CA10: variants seen among roughly 807,000 people sequenced by gnomAD.
The protein encoded by CA10 is carbonic anhydrase 10 (inactive).
CA10 carries 14 observed loss-of-function variants against 44.2 expected under a neutral mutation model. The observed-to-expected ratio is 0.32, with a 90% CI of 0.21 to 0.50. The LOEUF (loss-of-function observed/expected upper bound fraction) is 0.50, where lower values mean the gene tolerates loss of function less well. Ranked by LOEUF, CA10 falls within the 20% of genes least tolerant of loss-of-function variation. CA10 has a pLI of 0.99. For missense variants in CA10, 350 were observed against 409.7 expected, an observed-to-expected ratio of 0.85 and a Z score of 1.26; for synonymous variants, 159 against 141.6, an observed-to-expected ratio of 1.12 and a Z score of -0.87.
intron 3 of CA10, among the ~76,000 whole-genome samples, chr17:51,782,579 G>A (rs1906106275): frequency 6.6e-6 from 1 of 152,168 alleles, no homozygotes; most frequent in Non-Finnish European, 1.5e-5. Context: ...TCTCCATGGA[G>A]CCAGGAAAAC....
intron 1 of CA10, among the ~76,000 whole-genome samples, chr17:52,106,337 C>G (rs1988661981): frequency 6.6e-6 from 1 of 152,014 alleles, no homozygotes. Context: ...GTGGAGTGAG[C>G]CAGGGAGGTG....
intron 3 of CA10, among the ~76,000 whole-genome samples, chr17:51,804,948 G>A (rs1177202193): frequency 1.3e-5 from 2 of 152,160 alleles, no homozygotes; most frequent in Non-Finnish European, 2.9e-5. Flanking sequence ...AACTAGGGAA[G>A]GGAGAGACAG....
chr17:51,710,183 C>A (rs1343909794), intron 4 of CA10, among the ~76,000 whole-genome samples: 1 of 152,108 alleles, frequency 6.6e-6, no homozygotes, highest in African/African-American at 2.4e-5. Flanking sequence ...GTTTTCTTAG[C>A]AGAAAAATGC....
At chr17:51,737,410 G>A (rs527337650) in intron 4 of CA10, among the ~76,000 whole-genome samples, 31 of 145,800 alleles carry the variant, frequency 2.1e-4, no homozygotes, top group African/African-American at 8.7e-4. Context: ...GGCTAGATGA[G>A]TTCTAAGGTG....
intron 1 of CA10, among the ~76,000 whole-genome samples, chr17:52,072,738 C>A (rs1987718255): frequency 1.3e-5 from 2 of 150,940 alleles, no homozygotes; most frequent in Non-Finnish European, 2.9e-5. Flanking sequence ...AGTGCTCCTG[C>A]TGAAACTGAG....
intron 1 of CA10, among the ~76,000 whole-genome samples, chr17:52,098,056 G>C (rs946481766): frequency 1.3e-5 from 2 of 152,142 alleles, no homozygotes; most frequent in African/African-American, 4.8e-5. Flanking sequence ...CCTTATGCCT[G>C]TGCTGCAGCT....
intron 2 of CA10, among the ~76,000 whole-genome samples, chr17:51,984,212 T>G (rs908387683): frequency 6.6e-6 from 1 of 151,368 alleles, no homozygotes; most frequent in African/African-American, 2.4e-5. Context: ...CAAACACAAA[T>G]AAGAAGAAAC....
chr17:51,841,199 A>G (rs1345533605), intron 3 of CA10, among the ~76,000 whole-genome samples: 4 of 151,878 alleles, frequency 2.6e-5, no homozygotes, highest in Admixed American at 1.3e-4. Context: ...CTCCCACACC[A>G]CCCTTAAGCC....
chr17:51,924,177 G>C (rs899403652), intron 3 of CA10, among the ~76,000 whole-genome samples: 1 of 152,170 alleles, frequency 6.6e-6, no homozygotes, highest in Non-Finnish European at 1.5e-5. Context: ...AGCCACAGAG[G>C]TTAAAAGCAG....
intron 1 of CA10, among the ~76,000 whole-genome samples, chr17:52,126,027 G>T (rs1327653175): frequency 6.6e-6 from 1 of 152,060 alleles, no homozygotes; most frequent in African/African-American, 2.4e-5. Flanking sequence ...AATAAGCAAA[G>T]CCCCTGCCCT....
intron 3 of CA10, among the ~76,000 whole-genome samples, chr17:51,910,664 C>T (rs77766779): frequency 2.3e-3 from 348 of 152,216 alleles, no homozygotes; most frequent in African/African-American, 7.8e-3. Context: ...AACGTAGTTA[C>T]GCCGTTCTTG....
chr17:52,141,606 T>C (rs1989481338), intron 1 of CA10, among the ~76,000 whole-genome samples: 1 of 152,196 alleles, frequency 6.6e-6, no homozygotes, highest in South Asian at 2.1e-4. Flanking sequence ...AAAGAAGCCC[T>C]AGACAATACA....
rs529993646 is a variant in CA10 at position 52,104,569 on chromosome 17, C to G, written c.62-32176G>C. 1.2e-3 allele frequency among the ~76,000 whole-genome samples: 179 copies of G among 152,276 alleles called. 1 individual carries two copies. The highest frequency in any genetic ancestry group is 4.0e-3 in the African/African-American group (167 of 41,552). ...CAAACAACAATAACTACTGGGAGAA[C>G]TTTGTCAAAGCATCCATTCTCCCAC... On this transcript the variant is annotated intron_variant, in intron 1 of 8. Coordinates refer to ENST00000451037, the MANE Select transcript of CA10 (RefSeq NM_020178.5).
chr17:52,141,467 C>A (rs1288522005), intron 1 of CA10, among the ~76,000 whole-genome samples: 1 of 152,188 alleles, frequency 6.6e-6, no homozygotes, highest in African/African-American at 2.4e-5. Context: ...ATCCTCCTAC[C>A]TGTTGGAAGC....
intron 2 of CA10, among the ~76,000 whole-genome samples, chr17:51,933,057 G>C (rs2143999091): frequency 6.6e-6 from 1 of 152,244 alleles, no homozygotes; most frequent in South Asian, 2.1e-4. Flanking sequence ...CAGGGATATA[G>C]TCATGGCACC....
At chr17:51,994,254 A>C (rs1440856419) in intron 2 of CA10, among the ~76,000 whole-genome samples, 4 of 106,188 alleles carry the variant, frequency 3.8e-5, no homozygotes, top group African/African-American at 1.0e-4. Flanking sequence ...ATAATCCAAG[A>C]GTTTTTTTCC....
chr17:51,772,871 C>T (rs1567834682), intron 3 of CA10, among the ~76,000 whole-genome samples: 1 of 152,192 alleles, frequency 6.6e-6, no homozygotes, highest in Non-Finnish European at 1.5e-5. Context: ...CTCTCTACCA[C>T]CAACAGAAGC....
At chr17:51,714,675 G>T (rs11650596) in intron 4 of CA10, among the ~76,000 whole-genome samples, 46,949 of 152,034 alleles carry the variant, frequency 0.31, 7,732 homozygotes, top group Admixed American at 0.38. Context: ...GATGGGAGAA[G>T]CTTAGTTTAG....
chr17:51,835,549 G>A (rs748423860), intron 3 of CA10, among the ~76,000 whole-genome samples: 21 of 152,146 alleles, frequency 1.4e-4, no homozygotes, highest in Middle Eastern at 3.2e-3. Context: ...CTAGCAGAAG[G>A]CAAAATGAAA....
Sources: gnomAD v4.1 joint callset for allele counts (sites outside exome capture counted in the v4.1 genomes callset) on GRCh38, gnomAD v4.1.1 for gene constraint, MANE v1.5 for transcripts, NCBI Gene and HGNC (gene_info 2026-07-23, HGNC 2026-07-21) for gene names.